CDH5: variants seen among roughly 807,000 people sequenced by gnomAD.
CDH5 encodes the protein cadherin 5.
In CDH5, 28 loss-of-function variants were observed where a neutral mutation model predicts 62.0. The ratio of observed to expected loss-of-function variants is 0.45; its 90% CI spans 0.33 to 0.62. The LOEUF (loss-of-function observed/expected upper bound fraction) is 0.62. Among genes scored for constraint, CDH5 ranks in the 20% least tolerant of loss-of-function variants. The pLI is 0.02. For missense variants in CDH5, 940 were observed against 1,065.1 expected, an observed-to-expected ratio of 0.88 and a Z score of 1.63; for synonymous variants, 464 against 445.8, an observed-to-expected ratio of 1.04 and a Z score of -0.52.
Position 66,400,809 on chromosome 16 carries a change from G to C in CDH5, c.1630G>C (p.Asp544His). ...ANITVKYGQF[D>H]REHTKVHFLP... ...CATCACAGTCAAGTATGGGCAGTTT[G>C]ACCGGGAGCATACCAAGGTCCACTT... Residue 544 changes from aspartate (D) to histidine (H), a missense_variant, in exon 11 of 12, where the codon GAC (aspartate) becomes CAC (histidine). By Grantham distance (81) the Asp-to-His change is moderately conservative. Coordinates refer to ENST00000341529, the MANE Select transcript of CDH5 (RefSeq NM_001795.5). 1 of 1,614,198 alleles carries C rather than the reference G, an allele frequency of 6.2e-7. No individual in the cohort carries two copies. Among genetic ancestry groups the C allele is most frequent in the Non-Finnish European group, 8.5e-7 (1 of 1,180,028 alleles).
chr16:66,370,441 T>C (rs549679427), intron 1 of CDH5, among the ~76,000 whole-genome samples: 2 of 152,312 alleles, frequency 1.3e-5, no homozygotes, highest in African/African-American at 2.4e-5. Context: ...CTTTAAGTTA[T>C]ACCAACAATT....
rs762139197 is a variant in CDH5 at position 66,389,393 on chromosome 16, G to C, written c.652G>C (p.Glu218Gln). Residue 218 changes from glutamate to glutamine, a missense_variant, in exon 5 of 12, where the codon GAG becomes CAG. Coordinates refer to ENST00000341529, the MANE Select transcript of CDH5 (RefSeq NM_001795.5). ...CACAATAACGAAAAGCTTGGACCGA[G>C]AGAAGCAGGCCAGGTATGAGATCGT... is the stretch of plus-strand genomic sequence containing the variant. The part of the protein sequence containing the change: ...IITITKSLDR[E>Q]KQARYEIVVE... The C allele has an allele frequency of 6.2e-7, 1 of 1,613,438 alleles. No individual in the cohort carries two copies.
intron 10 of CDH5, among the ~76,000 whole-genome samples, chr16:66,400,251 T>A (rs750551802): frequency 6.6e-6 from 1 of 152,254 alleles, no homozygotes; most frequent in Non-Finnish European, 1.5e-5. Context: ...CAATTCTATA[T>A]GTAATCATTT....
At chr16:66,393,125 A>G (rs952587018) in intron 7 of CDH5, 4 of 152,246 alleles carry the variant, frequency 2.6e-5, no homozygotes, top group Non-Finnish European at 1.5e-5. Context: ...AATTCAATTC[A>G]ATCTTATTTT....
chr16:66,386,910 C>A lies in CDH5; in HGVS notation c.312C>A (p.Ala104=). Reference sequence around the variant, plus strand: ...ATGCAGAGACAGGAGACGTGTTCGCCATTGAGAGGCTGGACCGGGAGAATA... The same window carrying A: ...ATGCAGAGACAGGAGACGTGTTCGCAATTGAGAGGCTGGACCGGGAGAATA... ...RVDAETGDVF[A]IERLDRENIS... The change falls in exon 3 of 12, where the codon GCC becomes GCA. Residue 104 remains alanine, a synonymous_variant. Coordinates refer to ENST00000341529, the MANE Select transcript of CDH5 (RefSeq NM_001795.5). The A allele has an allele frequency of 6.2e-7, 1 of 1,614,220 alleles. No homozygotes were observed. Among genetic ancestry groups the A allele is most frequent in the South Asian group, 1.1e-5 (1 of 91,084 alleles).
At chr16:66,380,481 G>A (rs1223103864) in intron 2 of CDH5, among the ~76,000 whole-genome samples, 1 of 150,504 alleles carries the variant, frequency 6.6e-6, no homozygotes. Context: ...TGGTTGTGAT[G>A]GTGGTGATCA....
rs112421595 is a variant in CDH5, at chr16:66,382,932, A to C, written c.210+3385A>C. On this transcript the variant is annotated intron_variant, in intron 2 of 11. Transcript: ENST00000341529. ...GAACCCACAAATATGGGTTTTTGGC[A>C]TTAAGATGTTATGTTTAAATACAGT... Among the ~76,000 whole-genome samples, 42 of 152,324 alleles carry C rather than the reference A, an allele frequency of 2.8e-4. No individual in the cohort carries two copies. In the Middle Eastern group the frequency reaches 0.01, roughly 37 times the overall value.
At chr16:66,400,465 G>C (rs1046989021) in intron 10 of CDH5, among the ~76,000 whole-genome samples, 1 of 152,228 alleles carries the variant, frequency 6.6e-6, no homozygotes, top group African/African-American at 2.4e-5. Flanking sequence ...TGTTACTGGA[G>C]TGGGGTTAGG....
Position 66,400,856 on chromosome 16 carries a change from C to A in CDH5, c.1677C>A (p.Asp559Glu). 1.2e-6 allele frequency: 2 copies of A among 1,614,212 alleles called. No homozygotes were observed. Among genetic ancestry groups the A allele is most frequent in the South Asian group, 2.2e-5 (2 of 91,086 alleles). ...KVHFLPVVIS[D>E]NGMPSRTGTS... Reference sequence around the variant, plus strand: ...ACTTCCTACCCGTGGTCATCTCAGACAATGGGATGCCAAGTCGCACGGGCA... The same window carrying A: ...ACTTCCTACCCGTGGTCATCTCAGAAAATGGGATGCCAAGTCGCACGGGCA... The change falls in exon 11 of 12, where the codon GAC becomes GAA. Residue 559 changes from aspartate (D) to glutamate (E), a missense_variant. Coordinates refer to ENST00000341529, the MANE Select transcript of CDH5 (RefSeq NM_001795.5).
intron 8 of CDH5, among the ~76,000 whole-genome samples, chr16:66,397,330 C>T (rs984771914): frequency 6.6e-6 from 1 of 152,156 alleles, no homozygotes; most frequent in Non-Finnish European, 1.5e-5. Context: ...AATGATCCTC[C>T]CACCTCAGCC....
intron 2 of CDH5, among the ~76,000 whole-genome samples, chr16:66,380,585 T>C (rs1358824605): frequency 6.6e-6 from 1 of 151,748 alleles, no homozygotes; most frequent in African/African-American, 2.4e-5. Context: ...GTGGTGGTTG[T>C]AATGGTGATG....
chr16:66,402,167 G>A (rs138505845), intron 11 of CDH5, among the ~76,000 whole-genome samples: 2 of 151,902 alleles, frequency 1.3e-5, no homozygotes, highest in Non-Finnish European at 2.9e-5. Context: ...GCCTTCCAGG[G>A]CATCCCAGCT....
chr16:66,369,537 G>T (rs1960646984), intron 1 of CDH5, among the ~76,000 whole-genome samples: 1 of 152,182 alleles, frequency 6.6e-6, no homozygotes, highest in Non-Finnish European at 1.5e-5. Context: ...AGCTGGGCAG[G>T]TTCAAATAGG....
At chr16:66,379,664 G>A (rs1288565565) in intron 2 of CDH5, 117 bp downstream of exon 2, 8 of 863,682 alleles carry the variant, frequency 9.3e-6, no homozygotes, top group Non-Finnish European at 1.5e-5. Context: ...GGTTGTAGGA[G>A]TGGAGATGAT....
intron 1 of CDH5, among the ~76,000 whole-genome samples, chr16:66,370,824 G>A (rs1040234369): frequency 6.6e-6 from 1 of 152,270 alleles, no homozygotes; most frequent in African/African-American, 2.4e-5. Context: ...CTGCTGAGAG[G>A]AAGGGCATTG....
chr16:66,388,464 A>G (rs765033868), intron 4 of CDH5, 24 bp downstream of exon 4: 42 of 1,449,214 alleles, frequency 2.9e-5, no homozygotes, highest in Non-Finnish European at 3.9e-5. Flanking sequence ...ACACTCCTGG[A>G]CAGTCACTGA....
In CDH5 at chr16:66,403,011, T is replaced by C. The variant is rs1961322683; in HGVS notation, c.2197T>C (p.Tyr733His). The C allele has an allele frequency of 6.2e-7, 1 of 1,613,302 alleles. No homozygotes were observed. The highest frequency in any genetic ancestry group is 8.5e-7 in the Non-Finnish European group (1 of 1,179,802). The change falls in exon 12 of 12, where the codon TAC becomes CAC. Residue 733 changes from tyrosine (Y) to histidine (H), a missense_variant. Transcript: ENST00000341529. The surrounding 1 kb of genome is among the most constrained non-coding windows in gnomAD (Gnocchi z 4.3). ...PPYDTLHIYG[Y>H]EGSESIAESL... is the part of the protein sequence containing the mutation. ...CTACGACACGCTGCACATCTACGGC[T>C]ACGAGGGCTCCGAGTCCATAGCCGA...
In CDH5 at chr16:66,401,054, TG is replaced by T. The variant is rs751623845; in HGVS notation, c.1837+40del. 1.6e-5 allele frequency: 25 copies of T among 1,611,910 alleles called. No homozygotes were observed. In the East Asian group the frequency reaches 5.3e-4, roughly 34 times the overall value. On this transcript the variant is annotated intron_variant, in intron 11 of 11. Transcript: ENST00000341529. ...CAGGGTGGGGAGAAGACACAGTGGG[TG>T]GAAGGGGATGGAAGGTGTTGGGAGG...
At chr16:66,367,242 G>T (rs1960603753) in intron 1 of CDH5, among the ~76,000 whole-genome samples, 1 of 152,200 alleles carries the variant, frequency 6.6e-6, no homozygotes, top group African/African-American at 2.4e-5. Context: ...TCTGGGGAGG[G>T]GCCCTGAAAA....
Sources: gnomAD v4.1 joint callset for allele counts (sites outside exome capture counted in the v4.1 genomes callset) on GRCh38, gnomAD v4.1.1 for gene constraint, Gnocchi (gnomAD v3.1) non-coding constraint, MANE v1.5 for transcripts, NCBI Gene and HGNC (gene_info 2026-07-23, HGNC 2026-07-21) for gene names.